Variants in CWF19L2 observed in about 807,000 individuals in gnomAD.
CWF19L2 encodes the protein CWF19-like protein 2.
In CWF19L2, 98 loss-of-function variants were observed where a neutral mutation model predicts 111.7. The ratio of observed to expected loss-of-function variants is 0.88; its 90% CI spans 0.75 to 1.04. CWF19L2 has a LOEUF of 1.04. Ranked by LOEUF, CWF19L2 falls within the 50% of genes least tolerant of loss-of-function variation. The pLI, the probability that CWF19L2 is intolerant of heterozygous loss-of-function variation, is 0.00. For missense variants in CWF19L2, 1,101 were observed against 1,051.4 expected, an observed-to-expected ratio of 1.05 and a Z score of -0.65; for synonymous variants, 351 against 342.9, an observed-to-expected ratio of 1.02 and a Z score of -0.26.
chr11:107,335,950 A>G (rs943198110), intron 15 of CWF19L2, among the ~76,000 whole-genome samples: 4 of 152,278 alleles, frequency 2.6e-5, no homozygotes, highest in Middle Eastern at 3.4e-3. Flanking sequence ...GGCCAGGTGC[A>G]GTGGCTCACG....
chr11:107,426,413 T>G (rs776355089), intron 8 of CWF19L2, among the ~76,000 whole-genome samples: 2 of 151,924 alleles, frequency 1.3e-5, no homozygotes, highest in Non-Finnish European at 2.9e-5. Context: ...CTGCAAAATA[T>G]GTAAAAAGTA....
At chr11:107,346,389 A>T (rs570340400) in intron 14 of CWF19L2, among the ~76,000 whole-genome samples, 1 of 152,314 alleles carries the variant, frequency 6.6e-6, no homozygotes, top group South Asian at 2.1e-4. Flanking sequence ...TGAACAAAGG[A>T]AATGAGAGAA....
chr11:107,405,156 G>A (rs575104703), intron 10 of CWF19L2, among the ~76,000 whole-genome samples: 3 of 152,190 alleles, frequency 2.0e-5, no homozygotes, highest in South Asian at 2.1e-4. Flanking sequence ...AAAATTCTAC[G>A]CAATTCTAAT....
intron 14 of CWF19L2, among the ~76,000 whole-genome samples, chr11:107,339,766 G>A (rs752648066): frequency 1.0e-4 from 15 of 150,658 alleles, no homozygotes; most frequent in Non-Finnish European, 2.2e-4. Context: ...CCCAGGTTCG[G>A]GTGATTCTCC....
Position 107,455,779 on chromosome 11 carries a change from A to G in CWF19L2, c.106-3T>C. 6.5e-7 allele frequency: 1 copy of G among 1,532,108 alleles called. No individual in the cohort carries two copies. Among genetic ancestry groups the G allele is most frequent in the Non-Finnish European group, 8.8e-7 (1 of 1,136,202 alleles). The allele number at this position is 1,532,108 out of a possible 1,614,324, so 94.9% of individuals were successfully genotyped here. Reference sequence around the variant, plus strand: ...TCTTTTTCAAAATTGGCTTTAGCCTACAACCAAAGAAAAAAAAAAGACAAA... The same window carrying G: ...TCTTTTTCAAAATTGGCTTTAGCCTGCAACCAAAGAAAAAAAAAAGACAAA... On this transcript the variant is annotated splice_polypyrimidine_tract_variant and splice_region_variant and intron_variant, in intron 1 of 17. Coordinates refer to ENST00000282251, the MANE Select transcript of CWF19L2 (RefSeq NM_152434.3).
chr11:107,371,452 T>A (rs537384153), intron 12 of CWF19L2, among the ~76,000 whole-genome samples: 2 of 137,404 alleles, frequency 1.5e-5, no homozygotes, highest in East Asian at 2.1e-4. Flanking sequence ...GACATTGACT[T>A]ATGTGTAATT....
intron 8 of CWF19L2, among the ~76,000 whole-genome samples, chr11:107,424,195 T>TA (rs1448679539): frequency 2.7e-5 from 4 of 148,424 alleles, no homozygotes; most frequent in African/African-American, 5.0e-5. Context: ...TTTTTTTTTT[T>TA]AACTATCTCC....
At chr11:107,420,767 T>C (rs1047514406) in intron 8 of CWF19L2, among the ~76,000 whole-genome samples, 1 of 152,062 alleles carries the variant, frequency 6.6e-6, no homozygotes, top group Non-Finnish European at 1.5e-5. Context: ...TACAACAATA[T>C]ACTGTAATAA....
chr11:107,422,052 T>C (rs879229308), intron 8 of CWF19L2, among the ~76,000 whole-genome samples: 2 of 152,022 alleles, frequency 1.3e-5, no homozygotes, highest in African/African-American at 4.8e-5. Flanking sequence ...TACTGACATA[T>C]GCAACAACAT....
At chr11:107,352,397 C>T (rs972885506) in intron 13 of CWF19L2, among the ~76,000 whole-genome samples, 1 of 152,002 alleles carries the variant, frequency 6.6e-6, no homozygotes, top group African/African-American at 2.4e-5. Context: ...ATTTCTAGTA[C>T]CTAGTACTAG....
At chr11:107,363,706 C>A (rs58642962) in intron 12 of CWF19L2, among the ~76,000 whole-genome samples, 2 of 94,174 alleles carry the variant, frequency 2.1e-5, no homozygotes, top group Non-Finnish European at 4.2e-5. Flanking sequence ...CGGTACCAGC[C>A]GCTGCAAAAT....
chr11:107,330,074 T>C (rs1859823238), intron 16 of CWF19L2, 55 bp from the exon 17 acceptor site: 1 of 1,029,342 alleles, frequency 9.7e-7, no homozygotes, highest in East Asian at 2.7e-5. Context: ...GAAAGTTATG[T>C]TTAATCCCTC....
chr11:107,368,332 A>G lies in CWF19L2; in HGVS notation c.1873-14596T>C, dbSNP rs1206371698. Among the ~76,000 whole-genome samples the G allele has an allele frequency of 2.2e-5, 3 of 137,652 alleles. 1 individual carries two copies. 90.3% of individuals were successfully genotyped at this position (137,652 alleles called of 152,430 possible). ...CAACTATATTCTCACAAACTAGAAA[A>G]CCTAGACGAAATGGATAAATTCCTG... On this transcript the variant is annotated intron_variant, in intron 12 of 17. Transcript: ENST00000282251.
At chr11:107,421,974 G>A (rs75683389) in intron 8 of CWF19L2, among the ~76,000 whole-genome samples, 1 of 151,938 alleles carries the variant, frequency 6.6e-6, no homozygotes, top group African/African-American at 2.4e-5. Context: ...TCACCAACAG[G>A]AGAATGGAAA....
At position 107,415,778 on chromosome 11, in the gene CWF19L2, T is replaced by C. The variant is rs141896362; in HGVS notation, c.1617+431A>G. ...GCATACACATAAACACACAGACACATATACAGACACATCTCACATTAAAAT... is the reference window on the plus strand; with the variant it reads ...GCATACACATAAACACACAGACACACATACAGACACATCTCACATTAAAAT... On this transcript the variant is annotated intron_variant, in intron 10 of 17. Transcript: ENST00000282251. Among the ~76,000 whole-genome samples, 669 of 152,186 alleles carry C rather than the reference T, an allele frequency of 4.4e-3. 4 individuals are homozygous for C. The highest frequency in any genetic ancestry group is 0.015 in the African/African-American group (624 of 41,528).
chr11:107,344,373 A>G (rs1478777169), intron 14 of CWF19L2, among the ~76,000 whole-genome samples: 3 of 152,272 alleles, frequency 2.0e-5, no homozygotes, highest in East Asian at 3.9e-4. Context: ...CTTTCTGTTT[A>G]AAGAACTTCC....
chr11:107,455,800 A>G, intron 1 of CWF19L2, 24 bp from the exon 2 acceptor site: 1 of 1,405,128 alleles, frequency 7.1e-7, no homozygotes, highest in Non-Finnish European at 9.8e-7. Context: ...AAAAAAAAAG[A>G]CAAACTGGCA....
chr11:107,448,343 C>CA (rs61259014), intron 3 of CWF19L2, among the ~76,000 whole-genome samples: 3,601 of 55,050 alleles, frequency 0.065, 155 homozygotes, highest in African/African-American at 0.077. Context: ...GACTCCGTCA[C>CA]AAAAAAAAAA....
chr11:107,400,439 T>C (rs1197583112), intron 10 of CWF19L2, among the ~76,000 whole-genome samples: 1 of 152,258 alleles, frequency 6.6e-6, no homozygotes, highest in African/African-American at 2.4e-5. Flanking sequence ...ATGAACACTT[T>C]TATGTACATA....
Sources: gnomAD v4.1 joint callset for allele counts (sites outside exome capture counted in the v4.1 genomes callset) on GRCh38, gnomAD v4.1.1 for gene constraint, MANE v1.5 for transcripts, NCBI Gene and HGNC (gene_info 2026-07-23, HGNC 2026-07-21) for gene names.